The following CACNA1C variants were observed in gnomAD, a reference collection of about 807,000 sequenced individuals.
The protein encoded by CACNA1C is calcium voltage-gated channel subunit alpha1 C, also known as voltage-dependent L-type calcium channel subunit alpha-1C.
In CACNA1C, 30 loss-of-function variants were observed where a neutral mutation model predicts 229.0. The ratio of observed to expected loss-of-function variants is 0.13; its 90% CI spans 0.10 to 0.18. The LOEUF is 0.18. Ranked by LOEUF, CACNA1C falls within the 10% of genes least tolerant of loss-of-function variation. The pLI, the probability that CACNA1C is intolerant of heterozygous loss-of-function variation, is 1.00. For synonymous variants in CACNA1C, 1,114 were observed against 1,132.5 expected (o/e 0.98, Z 0.33); for missense variants, 1,658 against 2,845.0 (o/e 0.58, Z 9.49).
At chr12:2,205,270 A>T (rs576105920) in intron 3 of CACNA1C, among the ~76,000 whole-genome samples, 2 of 152,284 alleles carry the variant, frequency 1.3e-5, no homozygotes, top group African/African-American at 4.8e-5. Flanking sequence ...CGTGACCTGA[A>T]CCAGTCCTGA....
At chr12:2,655,618 A>G (rs575764128) in intron 34 of CACNA1C, among the ~76,000 whole-genome samples, 1 of 152,360 alleles carries the variant, frequency 6.6e-6, no homozygotes, top group Non-Finnish European at 1.5e-5. Context: ...ACAGATATCT[A>G]TCACTATACC....
intron 7 of CACNA1C, among the ~76,000 whole-genome samples, chr12:2,497,706 A>AT (rs200236172): frequency 0.022 from 3,373 of 151,622 alleles, 111 homozygotes; most frequent in African/African-American, 0.073. Flanking sequence ...TCTTCGACTG[A>AT]TTTTTTTTTA....
chr12:2,634,269 C>T (rs1253952273), intron 29 of CACNA1C, 28 bp from the exon 30 acceptor site: 3 of 1,115,136 alleles, frequency 2.7e-6, no homozygotes, highest in African/African-American at 1.8e-5. Context: ...CTTCTTCTCT[C>T]TCTCCCCGGC....
chr12:2,690,674 C>T lies in CACNA1C; in HGVS notation c.6118-226C>T, dbSNP rs763252174. ...ATATTTGATGACAGTGTTTGACCAC[C>T]CCAGCCAAAACTTCTCTGGCCTGCA... On this transcript the variant is annotated intron_variant, in intron 46 of 46. Transcript: ENST00000399655. 289 of 506,226 alleles carry T rather than the reference C, an allele frequency of 5.7e-4. 1 individual carries two copies. Among genetic ancestry groups the T allele is most frequent in the Non-Finnish European group, 8.2e-4 (237 of 288,306 alleles). The allele number at this position is 506,226 out of a possible 1,614,324, so 31.4% of individuals were successfully genotyped here.
intron 1 of CACNA1C, among the ~76,000 whole-genome samples, chr12:2,044,309 T>C (rs1490221526): frequency 1.3e-5 from 2 of 152,206 alleles, no homozygotes; most frequent in African/African-American, 4.8e-5. Flanking sequence ...TGCCCAGCTC[T>C]TGTTTCCACC....
intron 15 of CACNA1C, among the ~76,000 whole-genome samples, chr12:2,583,960 G>A (rs1326576001): frequency 2.0e-5 from 3 of 152,344 alleles, no homozygotes; most frequent in South Asian, 4.1e-4. Context: ...CAGTGTTTCT[G>A]TTGGTGGAGT....
intron 1 of CACNA1C, among the ~76,000 whole-genome samples, chr12:2,105,105 C>T (rs1172144736): frequency 6.6e-6 from 1 of 152,146 alleles, no homozygotes; most frequent in African/African-American, 2.4e-5. Flanking sequence ...CTTTCTTTAC[C>T]TTCTTTCAGC....
intron 3 of CACNA1C, among the ~76,000 whole-genome samples, chr12:2,163,307 T>C (rs2096007882): frequency 6.6e-6 from 1 of 152,028 alleles, no homozygotes; most frequent in African/African-American, 2.4e-5. Context: ...CCTTGTGACG[T>C]AGGCAGTATT....
At chr12:1,984,963 A>G (rs1204682894) in intron 1 of CACNA1C, among the ~76,000 whole-genome samples, 1 of 151,944 alleles carries the variant, frequency 6.6e-6, no homozygotes, top group Non-Finnish European at 1.5e-5. Flanking sequence ...TTCTGATAAG[A>G]AATCTGCAGT....
At chr12:2,120,242 T>C (rs1338408714) in intron 2 of CACNA1C, 83 bp from the exon 3 acceptor site, 1 of 804,950 alleles carries the variant, frequency 1.2e-6, no homozygotes, top group African/African-American at 1.7e-5. Flanking sequence ...TATGAATCTT[T>C]GATTCATTTT....
chr12:2,429,418 C>A (rs1041059636), intron 3 of CACNA1C, among the ~76,000 whole-genome samples: 33 of 152,290 alleles, frequency 2.2e-4, no homozygotes, highest in African/African-American at 7.2e-4. Context: ...GACCTAACAT[C>A]TATTCAGCAG....
chr12:2,279,896 A>G (rs1191050088), intron 3 of CACNA1C, among the ~76,000 whole-genome samples: 1 of 152,256 alleles, frequency 6.6e-6, no homozygotes, highest in Non-Finnish European at 1.5e-5. Flanking sequence ...GGACATGAGC[A>G]TCTGAGGATT....
At chr12:2,098,847 A>T (rs983972135) in intron 1 of CACNA1C, among the ~76,000 whole-genome samples, 2 of 152,362 alleles carry the variant, frequency 1.3e-5, no homozygotes, top group African/African-American at 4.8e-5. Context: ...ACTTTCATAG[A>T]CATAATCCCT....
At chr12:2,453,600 C>T (rs1421800306) in intron 4 of CACNA1C, among the ~76,000 whole-genome samples, 1 of 152,134 alleles carries the variant, frequency 6.6e-6, no homozygotes, top group Non-Finnish European at 1.5e-5. Flanking sequence ...TTGAGTCATC[C>T]CTCATCACCC....
intron 5 of CACNA1C, among the ~76,000 whole-genome samples, chr12:2,461,369 T>C (rs4765937): frequency 0.43 from 64,831 of 151,964 alleles, 14,068 homozygotes; most frequent in East Asian, 0.71. Context: ...CTTGGAATCC[T>C]TTGCTGACTT....
chr12:2,454,077 C>A (rs2099401346), intron 4 of CACNA1C, among the ~76,000 whole-genome samples: 1 of 152,166 alleles, frequency 6.6e-6, no homozygotes, highest in Non-Finnish European at 1.5e-5. Flanking sequence ...TCCCTGGAGC[C>A]CTCCAGTTTT....
Position 2,199,049 on chromosome 12 carries a change from C to G in CACNA1C, c.477+78619C>G, listed in dbSNP as rs538756259. Among the ~76,000 whole-genome samples, 3 of 152,294 alleles carry G rather than the reference C, an allele frequency of 2.0e-5. No homozygotes were observed. The East Asian group carries it at 5.8e-4, about 29-fold the overall frequency. On this transcript the variant is annotated intron_variant, in intron 3 of 46. Transcript: ENST00000399655. ...ATCGAGTGGCTCCAAGTCATTTGATCATGATCGTGTCCATGATATCTTGAT... is the reference window on the plus strand; with the variant it reads ...ATCGAGTGGCTCCAAGTCATTTGATGATGATCGTGTCCATGATATCTTGAT...
intron 1 of CACNA1C, chr12:1,991,353 AAAAC>A (rs1565848873): frequency 2.4e-6 from 1 of 414,422 alleles, no homozygotes; most frequent in African/African-American, 2.1e-5. Context: ...TAAAATATGA[AAAAC>A]AAATTAAAAT....
chr12:2,200,491 G>A (rs2097549934), intron 3 of CACNA1C, among the ~76,000 whole-genome samples: 1 of 152,206 alleles, frequency 6.6e-6, no homozygotes, highest in Admixed American at 6.5e-5. Context: ...GCACAGGACA[G>A]CCCCACAACA....
Sources: gnomAD v4.1 joint callset for allele counts (sites outside exome capture counted in the v4.1 genomes callset) on GRCh38, gnomAD v4.1.1 for gene constraint, MANE v1.5 for transcripts, NCBI Gene and HGNC (gene_info 2026-07-23, HGNC 2026-07-21) for gene names.